Variants in XKR5 observed in about 807,000 individuals in gnomAD.
XKR5 encodes the protein XK-related protein 5.
XKR5 carries 46 observed loss-of-function variants against 40.8 expected under a neutral mutation model. The ratio of observed to expected loss-of-function variants is 1.13; its 90% CI spans 0.89 to 1.44. The LOEUF (loss-of-function observed/expected upper bound fraction) is 1.44. XKR5 is among the 40% of genes most tolerant of loss of function. The pLI is 0.00. For missense variants in XKR5, 1,169 were observed against 844.7 expected, an observed-to-expected ratio of 1.38 and a Z score of -4.76; for synonymous variants, 466 against 356.1, an observed-to-expected ratio of 1.31 and a Z score of -3.48.
intron 6 of XKR5, among the ~76,000 whole-genome samples, chr8:6,813,930 G>A (rs1803847048): frequency 6.6e-6 from 1 of 152,122 alleles, no homozygotes; most frequent in South Asian, 2.1e-4. Flanking sequence ...GTAGATGAGG[G>A]GACATTTTCC....
At chr8:6,822,181 T>A in intron 4 of XKR5, 143 bp from the exon 5 acceptor site, 1 of 778,546 alleles carries the variant, frequency 1.3e-6, no homozygotes, top group Non-Finnish European at 2.0e-6. Context: ...CAGAAGAGAT[T>A]TGAGGGGGAC....
intron 2 of XKR5, among the ~76,000 whole-genome samples, chr8:6,831,637 C>T (rs982288319): frequency 6.6e-6 from 1 of 152,030 alleles, no homozygotes; most frequent in Non-Finnish European, 1.5e-5. Context: ...CCTTGAACAC[C>T]TTTCCAACCC....
chr8:6,832,611 T>C (rs1400029478), intron 2 of XKR5, 106 bp downstream of exon 2: 1 of 1,446,930 alleles, frequency 6.9e-7, no homozygotes, highest in Non-Finnish European at 9.5e-7. Flanking sequence ...CTCTTCCCAA[T>C]GCTGAACTTT....
chr8:6,821,332 C>T (rs1406496481), intron 5 of XKR5, among the ~76,000 whole-genome samples: 1 of 152,188 alleles, frequency 6.6e-6, no homozygotes, highest in Non-Finnish European at 1.5e-5. Flanking sequence ...ATTTTTTTCT[C>T]TCCTGGCATC....
intron 3 of XKR5, 73 bp downstream of exon 3, chr8:6,825,092 T>C (rs2117104402): frequency 6.4e-7 from 1 of 1,572,588 alleles, no homozygotes; most frequent in Non-Finnish European, 8.7e-7. Flanking sequence ...GGGAGGGTTT[T>C]GCTAAACAGG....
chr8:6,811,520 G>C lies in XKR5; in HGVS notation c.1739C>G (p.Pro580Arg), dbSNP rs1341203117. 2.6e-6 allele frequency: 4 copies of C among 1,531,392 alleles called. No homozygotes were observed. The highest frequency in any genetic ancestry group is 3.9e-5 in the Admixed American group (2 of 50,720). The allele number at this position is 1,531,392 out of a possible 1,614,324, so 94.9% of individuals were successfully genotyped here. A position where few individuals can be genotyped will look rare whatever the true frequency, so the allele number is the denominator to read the frequency against. ...CAAGCCCACTGGGTGGGGCGATGCA[G>C]GCTGGGCAGGGCTGCTCTTTCCCAG... ...RRLGKSSPAQ[P>R]ASPHPVGLAP... The change falls in exon 7 of 7, where the codon CCT becomes CGT. Residue 580 changes from proline to arginine, a missense_variant. Coordinates refer to ENST00000618742, the MANE Select transcript of XKR5 (RefSeq NM_207411.5).
chr8:6,823,454 T>G, intron 4 of XKR5, 67 bp downstream of exon 4: 3 of 1,497,308 alleles, frequency 2.0e-6, no homozygotes, highest in Non-Finnish European at 2.7e-6. Flanking sequence ...TGGTTATTCT[T>G]GAGACCTTCA....
intron 1 of XKR5, among the ~76,000 whole-genome samples, chr8:6,834,728 A>G (rs907544896): frequency 6.6e-6 from 1 of 152,144 alleles, no homozygotes; most frequent in African/African-American, 2.4e-5. Context: ...GCCCGGCGGA[A>G]GTGGGCGGAG....
rs370397845 is a variant in XKR5, at chr8:6,824,958, C to G, written c.427+207G>C. ...CTTATGGGCTGACTTTAGAACATGA[C>G]CCTTAAGAAAGAAGGGAGCCAACTC... On this transcript the variant is annotated intron_variant, in intron 3 of 6. Coordinates refer to ENST00000618742, the MANE Select transcript of XKR5 (RefSeq NM_207411.5). Among the ~76,000 whole-genome samples the G allele has an allele frequency of 1.6e-3, 238 of 152,296 alleles. 5 individuals are homozygous for G. The South Asian group carries it at 0.045, about 29-fold the overall frequency.
intron 2 of XKR5, among the ~76,000 whole-genome samples, chr8:6,830,481 A>G (rs1365998290): frequency 6.6e-6 from 1 of 152,216 alleles, no homozygotes; most frequent in Admixed American, 6.5e-5. Context: ...CCTGAGAAAC[A>G]CTGCAAATCT....
intron 5 of XKR5, among the ~76,000 whole-genome samples, chr8:6,818,803 C>G (rs1318768559): frequency 6.6e-6 from 1 of 152,226 alleles, no homozygotes; most frequent in Admixed American, 6.5e-5. Flanking sequence ...CCCCAGCCCC[C>G]AGCCCCTGCC....
Position 6,815,598 on chromosome 8 carries a change from C to G in XKR5, c.919+209G>C, listed in dbSNP as rs536137979. ...GATAGCCCCAGCTTTGCTTGAGGTT[C>G]CGAGCACAGTCAAGCAAGGCAGATG... On this transcript the variant is annotated intron_variant, in intron 6 of 6. Coordinates refer to ENST00000618742, the MANE Select transcript of XKR5 (RefSeq NM_207411.5). Among the ~76,000 whole-genome samples, 8 of 152,182 alleles carry G rather than the reference C, an allele frequency of 5.3e-5. No individual in the cohort carries two copies. The South Asian group carries it at 1.0e-3, about 20-fold the overall frequency.
chr8:6,832,026 A>G (rs1804790176), intron 2 of XKR5, among the ~76,000 whole-genome samples: 1 of 146,914 alleles, frequency 6.8e-6, no homozygotes, highest in African/African-American at 2.5e-5. Flanking sequence ...AAAAAAAAAA[A>G]AAAAAAAAAC....
rs771472881 is a variant in XKR5, at chr8:6,832,819, A to T, written c.140T>A (p.Phe47Tyr). 6.2e-7 allele frequency: 1 copy of T among 1,612,502 alleles called. No homozygotes were observed. The highest frequency in any genetic ancestry group is 1.1e-5 in the South Asian group (1 of 90,604). Residue 47 changes from phenylalanine (F) to tyrosine (Y), a missense_variant, in exon 2 of 7, where the codon TTC becomes TAC. Coordinates refer to ENST00000618742, the MANE Select transcript of XKR5 (RefSeq NM_207411.5). Reference sequence around the variant, plus strand: ...CAGGTAGCTCAGGGCCTGGACCAAGAACCCGGGCAGGAGGACAGCAAGGGC... The same window carrying T: ...CAGGTAGCTCAGGGCCTGGACCAAGTACCCGGGCAGGAGGACAGCAAGGGC... Reference protein sequence around the residue: ...WLALAVLLPGFLVQALSYLWF... With the variant: ...WLALAVLLPGYLVQALSYLWF...
At chr8:6,823,894 A>G (rs767450389) in intron 3 of XKR5, among the ~76,000 whole-genome samples, 164 bp from the exon 4 acceptor site, 5 of 152,278 alleles carry the variant, frequency 3.3e-5, no homozygotes, top group African/African-American at 4.8e-5. Flanking sequence ...AGTAGGTAAC[A>G]TAACAACTCT....
Position 6,811,734 on chromosome 8 carries a change from C to A in XKR5, c.1525G>T (p.Glu509Ter). The A allele has an allele frequency of 2.0e-6, 3 of 1,537,578 alleles. No individual in the cohort carries two copies. The highest frequency in any genetic ancestry group is 2.6e-6 in the Non-Finnish European group (3 of 1,146,996). ...PTQNPAATQG[E>*]GTPKEGADAV... Reference sequence around the variant, plus strand: ...TCAGCTCCTTCCTTTGGGGTGCCCTCCCCCTGCGTGGCTGCTGGGTTCTGG... The same window carrying A: ...TCAGCTCCTTCCTTTGGGGTGCCCTACCCCTGCGTGGCTGCTGGGTTCTGG... The change falls in exon 7 of 7, where the codon GAG (glutamate) becomes TAG (stop). Residue 509 changes from glutamate to a stop codon, truncating the protein, a stop_gained. Transcript: ENST00000618742. LOFTEE classifies it low-confidence loss of function (END_TRUNC).
At position 6,832,808 on chromosome 8, in the gene XKR5, C is replaced by G. The variant is rs1804830402; in HGVS notation, c.151G>C (p.Ala51Pro). The G allele has an allele frequency of 6.2e-7, 1 of 1,612,692 alleles. No homozygotes were observed. The highest frequency in any genetic ancestry group is 1.7e-5 in the Admixed American group (1 of 59,818). The change falls in exon 2 of 7, where the codon GCC becomes CCC. Residue 51 changes from alanine to proline, a missense_variant. Physicochemically the swap from Ala to Pro is conservative, Grantham distance 27. Transcript: ENST00000618742. Reference sequence around the variant, plus strand: ...GCTCGGAACCACAGGTAGCTCAGGGCCTGGACCAAGAACCCGGGCAGGAGG... The same window carrying G: ...GCTCGGAACCACAGGTAGCTCAGGGGCTGGACCAAGAACCCGGGCAGGAGG... ...AVLLPGFLVQALSYLWFRADG... is the reference protein window; with the variant it reads ...AVLLPGFLVQPLSYLWFRADG...
intron 2 of XKR5, among the ~76,000 whole-genome samples, chr8:6,832,331 G>A (rs1419701945): frequency 2.0e-5 from 3 of 152,234 alleles, no homozygotes; most frequent in Non-Finnish European, 4.4e-5. Flanking sequence ...TGTCTAGTCT[G>A]TGGTTCACTA....
chr8:6,826,971 C>G (rs1804516797), intron 2 of XKR5, among the ~76,000 whole-genome samples: 2 of 152,190 alleles, frequency 1.3e-5, no homozygotes, highest in Admixed American at 6.5e-5. Flanking sequence ...AGAAAGAAGT[C>G]AGAACATGTC....
Sources: gnomAD v4.1 joint callset for allele counts (sites outside exome capture counted in the v4.1 genomes callset) on GRCh38, gnomAD v4.1.1 for gene constraint, MANE v1.5 for transcripts, NCBI Gene and HGNC (gene_info 2026-07-23, HGNC 2026-07-21) for gene names.